Variants in ABCC4 observed in about 807,000 individuals in gnomAD.
ABCC4 encodes the protein ATP-binding cassette sub-family C member 4.
Under a neutral mutation model 168.5 loss-of-function variants are expected in ABCC4, and 102 were observed. The observed-to-expected ratio is 0.61, with a 90% confidence interval of 0.52 to 0.71. The LOEUF is 0.71. Among genes scored for constraint, ABCC4 ranks in the 30% least tolerant of loss-of-function variants. ABCC4 has a pLI of 0.00. For synonymous variants in ABCC4, 617 were observed against 590.7 expected (o/e 1.04, Z -0.65); for missense variants, 1,402 against 1,605.8 (o/e 0.87, Z 2.17).
At chr13:95,183,000 G>T (rs113841372) in intron 11 of ABCC4, among the ~76,000 whole-genome samples, 2,050 of 148,744 alleles carry the variant, frequency 0.014, 38 homozygotes, top group East Asian at 0.1. Context: ...TACTTCAACT[G>T]TATCTAGTAC....
At chr13:95,150,713 C>G (rs1160093205) in intron 19 of ABCC4, among the ~76,000 whole-genome samples, 1 of 152,182 alleles carries the variant, frequency 6.6e-6, no homozygotes, top group East Asian at 1.9e-4. Flanking sequence ...ATCAATACTT[C>G]TAAAAGCCCA....
intron 21 of ABCC4, among the ~76,000 whole-genome samples, chr13:95,078,728 G>C (rs973250100): frequency 2.0e-5 from 3 of 152,202 alleles, no homozygotes; most frequent in Non-Finnish European, 2.9e-5. Context: ...GCTCCCAGTA[G>C]TTCAGAGAAA....
At position 95,073,289 on chromosome 13, in the gene ABCC4, T is replaced by A. The variant is rs2139311148; in HGVS notation, c.2933A>T (p.Gln978Leu). The A allele has an allele frequency of 2.5e-6, 4 of 1,613,456 alleles. No homozygotes were observed. In the East Asian group the frequency reaches 8.9e-5, roughly 36 times the overall value. The change falls in exon 24 of 31, where the codon CAG becomes CTG. Residue 978 changes from glutamine to leucine, a missense_variant. By Grantham distance (113) the Gln-to-Leu change is moderately radical. Around this residue, in one of 3 missense-constraint regions of ABCC4, gnomAD observed 1,007 missense variants for 1,127.3 expected, o/e 0.89. Transcript: ENST00000645237. ...GGCATAGGACAGTGCCAAACCAACCTGCCCGGCATCCAGAGCTACGTAAGG... is the reference window on the plus strand; with the variant it reads ...GGCATAGGACAGTGCCAAACCAACCAGCCCGGCATCCAGAGCTACGTAAGG... ...LILAKTLDAG[Q>L]VGLALSYALT...
At chr13:95,036,771 AT>A (rs1424983268) in intron 29 of ABCC4, among the ~76,000 whole-genome samples, 9 of 152,002 alleles carry the variant, frequency 5.9e-5, no homozygotes. Flanking sequence ...CCTCTTTAAT[AT>A]TTTTTTGATA....
intron 30 of ABCC4, among the ~76,000 whole-genome samples, chr13:95,032,211 G>A (rs116336902): frequency 0.015 from 2,214 of 152,298 alleles, 42 homozygotes; most frequent in African/African-American, 0.049. Flanking sequence ...CCTAAAGCCA[G>A]GCTTGAATCC....
chr13:95,213,169 C>T (rs1195880591), intron 4 of ABCC4, among the ~76,000 whole-genome samples: 2 of 150,068 alleles, frequency 1.3e-5, no homozygotes, highest in Non-Finnish European at 3.0e-5. Context: ...AGCAAACTAC[C>T]AGGCTTCTGC....
chr13:95,086,008 A>T lies in ABCC4; in HGVS notation c.2536-2718T>A, dbSNP rs150972353. On this transcript the variant is annotated intron_variant, in intron 20 of 30. Coordinates refer to ENST00000645237, the MANE Select transcript of ABCC4 (RefSeq NM_005845.5). ...ATACTATATCCTACACACGATTCAT[A>T]TTTTTAAAGCATTTAATACCGAAAT... Among the ~76,000 whole-genome samples, 4 of 151,854 alleles carry T rather than the reference A, an allele frequency of 2.6e-5. No homozygotes were observed. The South Asian group carries it at 8.3e-4, about 32-fold the overall frequency.
intron 26 of ABCC4, among the ~76,000 whole-genome samples, chr13:95,057,165 T>G (rs1282435772): frequency 1.3e-5 from 2 of 152,182 alleles, no homozygotes; most frequent in African/African-American, 4.8e-5. Flanking sequence ...TTTAGGGAAA[T>G]TATTTAGGAA....
intron 8 of ABCC4, among the ~76,000 whole-genome samples, chr13:95,200,392 A>T (rs1343027244): frequency 6.6e-6 from 1 of 152,168 alleles, no homozygotes; most frequent in Non-Finnish European, 1.5e-5. Flanking sequence ...GGTTTCCCAA[A>T]GACAGCATAT....
chr13:95,249,229 A>AAAAAG (rs71207586), intron 1 of ABCC4, among the ~76,000 whole-genome samples: 2 of 148,526 alleles, frequency 1.3e-5, no homozygotes, highest in Non-Finnish European at 1.5e-5. Context: ...AAAAAAAAAA[A>AAAAAG]AAGAAGAAGA....
At chr13:95,092,073 T>C (rs986556582) in intron 20 of ABCC4, among the ~76,000 whole-genome samples, 1 of 152,158 alleles carries the variant, frequency 6.6e-6, no homozygotes, top group Non-Finnish European at 1.5e-5. Flanking sequence ...AGAGGGACAT[T>C]ATCTAACAGT....
chr13:95,133,141 T>C (rs2036030990), intron 19 of ABCC4, among the ~76,000 whole-genome samples: 1 of 125,164 alleles, frequency 8.0e-6, no homozygotes, highest in Non-Finnish European at 1.6e-5. Flanking sequence ...GGAGACAGAA[T>C]CTTGCTCTGT....
At chr13:95,024,677 G>C (rs1431582001) in intron 30 of ABCC4, among the ~76,000 whole-genome samples, 1 of 152,068 alleles carries the variant, frequency 6.6e-6, no homozygotes, top group African/African-American at 2.4e-5. Flanking sequence ...AACTCTCAAG[G>C]CCTCAAGTTC....
At chr13:95,188,431 G>C in intron 10 of ABCC4, 22 bp downstream of exon 10, 1 of 1,611,792 alleles carries the variant, frequency 6.2e-7, no homozygotes, top group Non-Finnish European at 8.5e-7. Context: ...GCAACAAGCT[G>C]CCAAAAGCCA....
intron 20 of ABCC4, 65 bp from the exon 21 acceptor site, chr13:95,083,355 A>G: frequency 6.4e-7 from 1 of 1,562,984 alleles, no homozygotes; most frequent in Non-Finnish European, 8.7e-7. Flanking sequence ...TACTTGCATG[A>G]GTTGTTGTTA....
At chr13:95,236,600 GCGCA>G (rs1449629566) in intron 3 of ABCC4, among the ~76,000 whole-genome samples, 2,242 of 52,736 alleles carry the variant, frequency 0.043, 64 homozygotes, top group African/African-American at 0.079. Context: ...GCGCGCGTGC[GCGCA>G]CACACACACA....
intron 1 of ABCC4, among the ~76,000 whole-genome samples, chr13:95,257,687 A>G (rs973405313): frequency 3.9e-5 from 6 of 152,016 alleles, no homozygotes; most frequent in African/African-American, 1.2e-4. Context: ...AGAAAAAGAA[A>G]AAAAAAGAAA....
chr13:95,243,378 G>C (rs1159043310), intron 3 of ABCC4, among the ~76,000 whole-genome samples: 1 of 152,212 alleles, frequency 6.6e-6, no homozygotes, highest in Non-Finnish European at 1.5e-5. Flanking sequence ...GAAACCCAGA[G>C]CCTTTGATAA....
At chr13:95,214,880 A>G (rs1201304506) in intron 4 of ABCC4, among the ~76,000 whole-genome samples, 4 of 97,438 alleles carry the variant, frequency 4.1e-5, no homozygotes, top group Non-Finnish European at 9.0e-5. Context: ...GTGAGACTCC[A>G]ATTCAAAAAA....
Sources: gnomAD v4.1 joint callset for allele counts (sites outside exome capture counted in the v4.1 genomes callset) on GRCh38, gnomAD v4.1.1 for gene constraint, gnomAD v4.1.1 regional missense constraint, MANE v1.5 for transcripts, NCBI Gene and HGNC (gene_info 2026-07-23, HGNC 2026-07-21) for gene names.